Variants in RNF168 observed in about 807,000 individuals in gnomAD.
The protein encoded by RNF168 is E3 ubiquitin-protein ligase RNF168.
In RNF168, 34 loss-of-function variants were observed where a neutral mutation model predicts 34.9. That is an observed-to-expected ratio of 0.97 (90% CI 0.74 to 1.30). The LOEUF is 1.30. Among genes scored for constraint, RNF168 ranks in the 50% most tolerant of loss-of-function variants. RNF168 has a pLI of 0.00. For synonymous variants in RNF168, 264 were observed against 254.7 expected (o/e 1.04, Z -0.35); for missense variants, 725 against 682.5 (o/e 1.06, Z -0.69).
At chr3:196,477,174 G>C (rs1179849991) in intron 4 of RNF168, among the ~76,000 whole-genome samples, 1 of 152,170 alleles carries the variant, frequency 6.6e-6, no homozygotes, top group Non-Finnish European at 1.5e-5. Context: ...CAAGATGGTA[G>C]GTATAGTTTA....
intron 1 of RNF168, among the ~76,000 whole-genome samples, chr3:196,501,630 C>A (rs1217881995): frequency 1.3e-5 from 2 of 152,100 alleles, no homozygotes; most frequent in Non-Finnish European, 2.9e-5. Flanking sequence ...GTTCTGGAAA[C>A]AGTGGTGATG....
At position 196,469,048 on chromosome 3, in the gene RNF168, C is replaced by T. The variant is rs1731939234; in HGVS notation, c.*2771G>A. On this transcript the variant is annotated 3_prime_UTR_variant, in exon 6 of 6. Transcript: ENST00000318037. Reference sequence around the variant, plus strand: ...AGAGAATGAGCTGAATATATAAATCCCAAATATATCACACCATATATGTGA... The same window carrying T: ...AGAGAATGAGCTGAATATATAAATCTCAAATATATCACACCATATATGTGA... 6.6e-6 allele frequency: 1 copy of T among 152,064 alleles called. No homozygotes were observed. Among genetic ancestry groups the T allele is most frequent in the African/African-American group, 2.4e-5 (1 of 41,388 alleles). 9.4% of individuals were successfully genotyped at this position (152,064 alleles called of 1,614,324 possible). A position where few individuals can be genotyped will look rare whatever the true frequency, so the allele number is the denominator to read the frequency against.
intron 1 of RNF168, among the ~76,000 whole-genome samples, chr3:196,490,961 C>G (rs1732580457): frequency 6.6e-6 from 1 of 152,142 alleles, no homozygotes; most frequent in Non-Finnish European, 1.5e-5. Context: ...TCTACGAAAC[C>G]CTGGAGGTAT....
intron 2 of RNF168, 41 bp downstream of exon 2, chr3:196,488,566 G>C: frequency 9.2e-7 from 1 of 1,085,626 alleles, no homozygotes; most frequent in Non-Finnish European, 1.4e-6. Flanking sequence ...TAAAAACACA[G>C]CAGAGAAATA....
chr3:196,472,911 T>C (rs954724739), intron 5 of RNF168, 139 bp from the exon 6 acceptor site: 2 of 583,112 alleles, frequency 3.4e-6, no homozygotes, highest in South Asian at 4.9e-5. Flanking sequence ...CTTTCTTTCT[T>C]TTCTTTTTTT....
intron 1 of RNF168, among the ~76,000 whole-genome samples, chr3:196,496,386 A>G (rs1342875594): frequency 6.6e-6 from 1 of 151,224 alleles, no homozygotes; most frequent in Non-Finnish European, 1.5e-5. Flanking sequence ...TAAATACATC[A>G]CTCCAGTCCT....
rs535412541 is a variant in RNF168 at position 196,503,242 on chromosome 3, C to G, written c.-69G>C. 7.1e-7 allele frequency: 1 copy of G among 1,410,530 alleles called. No homozygotes were observed. The highest frequency in any genetic ancestry group is 1.2e-5 in the South Asian group (1 of 85,592). The allele number at this position is 1,410,530 out of a possible 1,614,324, so 87.4% of individuals were successfully genotyped here. A position where few individuals can be genotyped will look rare whatever the true frequency, so the allele number is the denominator to read the frequency against. On this transcript the variant is annotated 5_prime_UTR_variant, in exon 1 of 6. Transcript: ENST00000318037. ...AAAAAGAATCCTATTTTCGGCCAAC[C>G]ACAGAGAGAGCAAAAGCAGTTTTGT...
intron 1 of RNF168, among the ~76,000 whole-genome samples, chr3:196,490,993 A>G (rs532610340): frequency 2.0e-5 from 3 of 152,320 alleles, no homozygotes; most frequent in African/African-American, 7.2e-5. Flanking sequence ...TTTCAGGGAA[A>G]CTGCAGAGTC....
intron 1 of RNF168, among the ~76,000 whole-genome samples, chr3:196,499,263 G>C (rs1179396046): frequency 1.3e-5 from 2 of 152,002 alleles, no homozygotes; most frequent in East Asian, 3.9e-4. Context: ...AGACTGGAGT[G>C]ACTCAGCTGC....
intron 1 of RNF168, among the ~76,000 whole-genome samples, chr3:196,495,246 C>A (rs565258691): frequency 2.0e-5 from 3 of 152,062 alleles, no homozygotes; most frequent in African/African-American, 7.3e-5. Flanking sequence ...CAAATCCTTA[C>A]GTGTCCACCT....
chr3:196,482,075 G>C (rs1732307107), intron 4 of RNF168, among the ~76,000 whole-genome samples: 1 of 151,484 alleles, frequency 6.6e-6, no homozygotes. Flanking sequence ...CCATGTAGCT[G>C]GGATTACAGG....
intron 1 of RNF168, among the ~76,000 whole-genome samples, chr3:196,498,126 T>C (rs751438970): frequency 3.3e-5 from 5 of 152,194 alleles, no homozygotes; most frequent in Non-Finnish European, 7.3e-5. Context: ...GATTACAAAA[T>C]GACACAACCA....
chr3:196,501,927 C>T (rs1385666640), intron 1 of RNF168, among the ~76,000 whole-genome samples: 2 of 151,734 alleles, frequency 1.3e-5, no homozygotes, highest in East Asian at 3.9e-4. Flanking sequence ...GTATGGTCTG[C>T]GAGCATTTGA....
At chr3:196,497,217 G>A (rs186547969) in intron 1 of RNF168, among the ~76,000 whole-genome samples, 365 of 152,086 alleles carry the variant, frequency 2.4e-3, no homozygotes, top group African/African-American at 7.9e-3. Context: ...TAGAATCAAC[G>A]GATCAATGAA....
chr3:196,501,760 A>C (rs1053066071), intron 1 of RNF168, among the ~76,000 whole-genome samples: 6 of 152,074 alleles, frequency 3.9e-5, no homozygotes, highest in African/African-American at 1.4e-4. Flanking sequence ...AAAACCATTA[A>C]ATTGCACACT....
At chr3:196,488,298 T>G (rs570775818) in intron 2 of RNF168, among the ~76,000 whole-genome samples, 52 of 151,962 alleles carry the variant, frequency 3.4e-4, no homozygotes, top group Non-Finnish European at 5.7e-4. Flanking sequence ...TGGTGAACAC[T>G]GTGAAACCCC....
At chr3:196,483,663 A>T in intron 4 of RNF168, 107 bp downstream of exon 4, 2 of 952,284 alleles carry the variant, frequency 2.1e-6, no homozygotes, top group South Asian at 1.3e-5. Flanking sequence ...CTATTTTCAT[A>T]CAAAGTTCAC....
chr3:196,496,848 G>T (rs544525638), intron 1 of RNF168, among the ~76,000 whole-genome samples: 1 of 152,036 alleles, frequency 6.6e-6, no homozygotes, highest in African/African-American at 2.4e-5. Flanking sequence ...TACATACAAA[G>T]AATAAATATA....
intron 3 of RNF168, among the ~76,000 whole-genome samples, chr3:196,484,170 C>CT (rs1560270654): frequency 2.9e-5 from 2 of 68,402 alleles, no homozygotes; most frequent in Non-Finnish European, 5.9e-5. Flanking sequence ...ATCTTTCTTT[C>CT]CTTTTTTTTT....
Sources: allele counts gnomAD v4.1 joint callset (sites outside exome capture counted in the v4.1 genomes callset), GRCh38; gene constraint gnomAD v4.1.1; transcripts MANE v1.5; gene names NCBI Gene and HGNC (gene_info 2026-07-23, HGNC 2026-07-21).